The following MARCHF1 variants were observed in gnomAD, a reference collection of about 807,000 sequenced individuals.
MARCHF1 encodes E3 ubiquitin-protein ligase MARCHF1.
Under a neutral mutation model 54.2 loss-of-function variants are expected in MARCHF1, and 40 were observed. The ratio of observed to expected loss-of-function variants is 0.74; its 90% CI spans 0.57 to 0.96. The LOEUF (loss-of-function observed/expected upper bound fraction) is 0.96. Among genes scored for constraint, MARCHF1 ranks in the 40% least tolerant of loss-of-function variants. The pLI is 0.00. For missense variants in MARCHF1, 586 were observed against 656.5 expected (o/e 0.89, Z 1.17); for synonymous variants, 236 against 236.3 (o/e 1.00, Z 0.01).
At chr4:164,125,417 G>A (rs1223736473) in intron 1 of MARCHF1, among the ~76,000 whole-genome samples, 1 of 152,240 alleles carries the variant, frequency 6.6e-6, no homozygotes, top group African/African-American at 2.4e-5. Flanking sequence ...TCAAGCACAT[G>A]AGACACAATA....
At chr4:163,557,281 T>C (rs1016483234) in intron 8 of MARCHF1, among the ~76,000 whole-genome samples, 1 of 152,222 alleles carries the variant, frequency 6.6e-6, no homozygotes, top group Admixed American at 6.5e-5. Flanking sequence ...AAAATGCTCA[T>C]TTGTGTTTAC....
intron 4 of MARCHF1, among the ~76,000 whole-genome samples, chr4:163,705,319 C>A (rs568876225): frequency 1.3e-5 from 2 of 151,142 alleles, no homozygotes; most frequent in Non-Finnish European, 1.5e-5. Flanking sequence ...GATAGTACTC[C>A]CTACCCCACC....
chr4:163,780,059 T>C (rs1236551157), intron 4 of MARCHF1, among the ~76,000 whole-genome samples: 1 of 152,152 alleles, frequency 6.6e-6, no homozygotes, highest in Non-Finnish European at 1.5e-5. Context: ...ACGGATTTGT[T>C]TATGAGCCCA....
chr4:164,203,524 T>A (rs1485191471), intron 1 of MARCHF1, among the ~76,000 whole-genome samples: 2 of 152,156 alleles, frequency 1.3e-5, no homozygotes, highest in African/African-American at 2.4e-5. Flanking sequence ...CTTGAAATGA[T>A]TGAATGAAAC....
intron 1 of MARCHF1, among the ~76,000 whole-genome samples, chr4:164,314,245 A>T (rs1185225721): frequency 1.3e-5 from 2 of 152,176 alleles, no homozygotes; most frequent in African/African-American, 4.8e-5. Context: ...TTTAAGATGG[A>T]GTGTTCGTCA....
chr4:163,665,397 T>C (rs994359518), intron 5 of MARCHF1, among the ~76,000 whole-genome samples: 1 of 152,130 alleles, frequency 6.6e-6, no homozygotes, highest in African/African-American at 2.4e-5. Context: ...TCAGATGTTC[T>C]TATGGCAGGA....
rs1469760313 is a variant in MARCHF1, at chr4:164,170,916, G to A, written c.-322-59254C>T. Among the ~76,000 whole-genome samples the A allele has an allele frequency of 2.6e-5, 4 of 152,202 alleles. No individual in the cohort carries two copies. The East Asian group carries it at 7.7e-4, about 29-fold the overall frequency. On this transcript the variant is annotated intron_variant, in intron 1 of 9. Transcript: ENST00000514618. ...ATGTTCACAGGTCACAAATATTCAT[G>A]AGTAATTATGACGGCTCCTATGTAT...
At chr4:164,348,218 G>T (rs1484526335) in intron 1 of MARCHF1, among the ~76,000 whole-genome samples, 2 of 151,904 alleles carry the variant, frequency 1.3e-5, no homozygotes, top group Non-Finnish European at 2.9e-5. Flanking sequence ...TTACTTAAAA[G>T]CATGGAGTTC....
intron 3 of MARCHF1, among the ~76,000 whole-genome samples, chr4:163,914,489 A>G (rs886697933): frequency 1.3e-5 from 2 of 152,106 alleles, no homozygotes; most frequent in African/African-American, 4.8e-5. Flanking sequence ...ATGAGAAGAG[A>G]AAGATTAAAA....
intron 1 of MARCHF1, among the ~76,000 whole-genome samples, chr4:164,286,402 CAT>C (rs1734148239): frequency 6.6e-6 from 1 of 152,132 alleles, no homozygotes; most frequent in Admixed American, 6.5e-5. Flanking sequence ...TTAAACTACT[CAT>C]AAATCTATTA....
intron 3 of MARCHF1, among the ~76,000 whole-genome samples, chr4:163,921,932 C>T (rs149000881): frequency 2.8e-3 from 424 of 152,040 alleles, no homozygotes; most frequent in African/African-American, 9.2e-3. Flanking sequence ...ATGTTTATTG[C>T]GGCACTATTC....
At chr4:163,736,294 T>C (rs1746031646) in intron 4 of MARCHF1, among the ~76,000 whole-genome samples, 1 of 152,088 alleles carries the variant, frequency 6.6e-6, no homozygotes, top group South Asian at 2.1e-4. Flanking sequence ...TCAGTTAATC[T>C]GATAGCCAAG....
At chr4:163,715,448 G>A (rs1379697935) in intron 4 of MARCHF1, among the ~76,000 whole-genome samples, 2 of 152,116 alleles carry the variant, frequency 1.3e-5, no homozygotes, top group East Asian at 1.9e-4. Flanking sequence ...GTGGCCTCAC[G>A]TGCTTTCAAA....
chr4:163,769,560 G>A (rs6833247), intron 4 of MARCHF1, among the ~76,000 whole-genome samples: 2,048 of 152,244 alleles, frequency 0.013, 47 homozygotes, highest in African/African-American at 0.046. Context: ...CCATTCTAAA[G>A]GCCATGTTGT....
chr4:163,930,478 G>GTTT (rs34173667), intron 3 of MARCHF1, among the ~76,000 whole-genome samples: 17 of 134,504 alleles, frequency 1.3e-4, no homozygotes, highest in East Asian at 4.4e-4. Context: ...TGAAAATGGT[G>GTTT]TTTTTTTTTT....
Position 163,528,903 on chromosome 4 carries a change from G to C in MARCHF1, c.1483C>G (p.Gln495Glu). 1 of 1,613,320 alleles carries C rather than the reference G, an allele frequency of 6.2e-7. No homozygotes were observed. The highest frequency in any genetic ancestry group is 8.5e-7 in the Non-Finnish European group (1 of 1,179,566). The change falls in exon 10 of 10, where the codon CAA becomes GAA. Residue 495 changes from glutamine (Q) to glutamate (E), a missense_variant. This residue lies in a region of MARCHF1 where 106 missense variants were observed against 93.8 expected (regional missense o/e 1.13). Transcript: ENST00000514618. Reference protein sequence around the residue: ...LKAYNRVIFVQNCPDTAKKLE... With the variant: ...LKAYNRVIFVENCPDTAKKLE... Reference sequence around the variant, plus strand: ...TTTTTGGCAGTGTCTGGGCAATTTTGTACAAAGATCACACGGTTGTAGGCC... The same window carrying C: ...TTTTTGGCAGTGTCTGGGCAATTTTCTACAAAGATCACACGGTTGTAGGCC...
chr4:163,773,538 A>G (rs942402828), intron 4 of MARCHF1, among the ~76,000 whole-genome samples: 1 of 152,180 alleles, frequency 6.6e-6, no homozygotes, highest in African/African-American at 2.4e-5. Flanking sequence ...CTAATAGTGA[A>G]GACTCTCTTG....
At chr4:163,601,821 T>C (rs1740981483) in intron 7 of MARCHF1, among the ~76,000 whole-genome samples, 4 of 152,060 alleles carry the variant, frequency 2.6e-5, no homozygotes, top group Admixed American at 2.6e-4. Context: ...TGTTAAATAA[T>C]TGGCCTTCAG....
chr4:163,869,682 C>T (rs1750129150), intron 3 of MARCHF1, among the ~76,000 whole-genome samples: 1 of 151,994 alleles, frequency 6.6e-6, no homozygotes, highest in Non-Finnish European at 1.5e-5. Flanking sequence ...TAAAAGTCTA[C>T]TTTTTTTAAG....
Sources: allele counts gnomAD v4.1 joint callset (sites outside exome capture counted in the v4.1 genomes callset), GRCh38; gene constraint gnomAD v4.1.1; regional missense constraint gnomAD v4.1.1; transcripts MANE v1.5; gene names NCBI Gene and HGNC (gene_info 2026-07-23, HGNC 2026-07-21).